Variants in SLC5A10 observed in about 807,000 individuals in gnomAD.
SLC5A10 encodes sodium/mannose cotransporter SLC5A10.
A neutral mutation model predicts 68.9 loss-of-function variants in SLC5A10; 55 were observed. That is an observed-to-expected ratio of 0.80 (90% CI 0.64 to 1.00). The LOEUF (loss-of-function observed/expected upper bound fraction) is 1.00, where lower values mean the gene tolerates loss of function less well. SLC5A10 is among the 50% of genes least tolerant of loss of function. The pLI, the probability that SLC5A10 is intolerant of heterozygous loss-of-function variation, is 0.00. For missense variants in SLC5A10, 732 were observed against 819.3 expected (o/e 0.89, Z 1.30); for synonymous variants, 344 against 344.8 (o/e 1.00, Z 0.02).
In SLC5A10 at chr17:18,973,884, GTTTTTTTTTT is replaced by G. The variant is rs35778801; in HGVS notation, c.846+2679_846+2688del. Among the ~76,000 whole-genome samples, 23 of 95,740 alleles carry G rather than the reference GTTTTTTTTTT, an allele frequency of 2.4e-4. 1 individual carries two copies. Among genetic ancestry groups the G allele is most frequent in the Non-Finnish European group, 6.0e-5 (3 of 50,134 alleles). The allele number at this position is 95,740 out of a possible 152,430, so 62.8% of individuals were successfully genotyped here. A position where few individuals can be genotyped will look rare whatever the true frequency, so the allele number is the denominator to read the frequency against. ...GGCTAATTTTTGTATTTTTTTTTAA[GTTTTTTTTTT>G]TTTTTTTTTTTTCCCAGAGACATAG... On this transcript the variant is annotated intron_variant, in intron 8 of 14. Coordinates refer to ENST00000395645, the MANE Select transcript of SLC5A10 (RefSeq NM_001042450.4).
At chr17:18,981,294 G>A (rs1051705159) in intron 9 of SLC5A10, among the ~76,000 whole-genome samples, 3 of 152,268 alleles carry the variant, frequency 2.0e-5, no homozygotes, top group Non-Finnish European at 4.4e-5. Flanking sequence ...AGGCATGAGA[G>A]GCCTTTGTAC....
intron 14 of SLC5A10, 31 bp downstream of exon 14, chr17:19,020,243 C>T (rs1344620518): frequency 6.2e-7 from 1 of 1,613,740 alleles, no homozygotes; most frequent in African/African-American, 1.3e-5. Flanking sequence ...ACTCCTCCAC[C>T]TTGACCCTGG....
intron 1 of SLC5A10, among the ~76,000 whole-genome samples, chr17:18,954,359 G>A (rs950074891): frequency 6.6e-6 from 1 of 152,210 alleles, no homozygotes; most frequent in African/African-American, 2.4e-5. Flanking sequence ...CCAGTGACTT[G>A]GGCCACCAGC....
chr17:18,976,487 A>T (rs1056092321), intron 8 of SLC5A10: 5 of 196,996 alleles, frequency 2.5e-5, no homozygotes, highest in Non-Finnish European at 5.1e-5. Context: ...AGCTGCTGTC[A>T]TGAGGGTCCA....
At chr17:18,977,588 G>C (rs532245695) in intron 9 of SLC5A10, 2 of 1,607,694 alleles carry the variant, frequency 1.2e-6, no homozygotes, top group Non-Finnish European at 1.7e-6. Flanking sequence ...ACCCACCTGT[G>C]CCTCCTTGTC....
rs777380590 is a variant in SLC5A10 at position 19,015,094 on chromosome 17, C to G, written c.1136C>G (p.Ser379Trp). 1.9e-6 allele frequency: 3 copies of G among 1,613,678 alleles called. No individual in the cohort carries two copies. Among genetic ancestry groups the G allele is most frequent in the Non-Finnish European group, 2.5e-6 (3 of 1,179,750 alleles). The change falls in exon 11 of 15, where the codon TCG (serine) becomes TGG (tryptophan). Residue 379 changes from serine to tryptophan, a missense_variant. Ser to Trp is a radical substitution (Grantham distance 177). Coordinates refer to ENST00000395645, the MANE Select transcript of SLC5A10 (RefSeq NM_001042450.4). ...GCAGTGATGCTGGCGGCGCTCATGT[C>G]GTCGCTGACCTCCATCTTCAACAGC... ...MIAVMLAALM[S>W]SLTSIFNSSS... is the part of the protein sequence containing the mutation.
At chr17:18,956,194 CAAAA>C (rs869093903) in intron 1 of SLC5A10, among the ~76,000 whole-genome samples, 1 of 119,820 alleles carries the variant, frequency 8.3e-6, no homozygotes, top group Non-Finnish European at 1.8e-5. Flanking sequence ...AACTCTGTCT[CAAAA>C]ATAAATAAAT....
chr17:18,955,042 C>T (rs1030270376), intron 1 of SLC5A10, among the ~76,000 whole-genome samples: 8 of 144,032 alleles, frequency 5.6e-5, no homozygotes, highest in Admixed American at 2.2e-4. Flanking sequence ...GCTGAGATCA[C>T]GCCACTGCAC....
chr17:19,017,477 G>A lies in SLC5A10; in HGVS notation c.1242-1946G>A. On this transcript the variant is annotated intron_variant, in intron 11 of 14. Transcript: ENST00000395645. The surrounding 1 kb of genome is among the most constrained non-coding windows in gnomAD (Gnocchi z 5.6). ...AAGACCAACAGCCCAGAGGCCTGGA[G>A]AGGAGGCCATCGCAGGGCCGGGTGC... 7.5e-7 allele frequency: 1 copy of A among 1,327,500 alleles called. No individual in the cohort carries two copies. 82.2% of individuals were successfully genotyped at this position (1,327,500 alleles called of 1,614,324 possible). A position where few individuals can be genotyped will look rare whatever the true frequency, so the allele number is the denominator to read the frequency against.
chr17:18,987,882 C>T (rs780488987), intron 9 of SLC5A10, among the ~76,000 whole-genome samples: 3 of 152,308 alleles, frequency 2.0e-5, no homozygotes, highest in South Asian at 2.1e-4. Flanking sequence ...AGAAAGGCCA[C>T]GAGCTACCTG....
Position 19,021,987 on chromosome 17 carries a change from C to T in SLC5A10, c.*1556C>T, listed in dbSNP as rs1366733459. ...CAGGTGCACGGGCTGCACGTAACTCCGTGGGAAGAAGCCAACGCGCCCGCA... is the reference window on the plus strand; with the variant it reads ...CAGGTGCACGGGCTGCACGTAACTCTGTGGGAAGAAGCCAACGCGCCCGCA... On this transcript the variant is annotated 3_prime_UTR_variant, in exon 15 of 15. Coordinates refer to ENST00000395645, the MANE Select transcript of SLC5A10 (RefSeq NM_001042450.4). The surrounding 1 kb of genome is among the most constrained non-coding windows in gnomAD (Gnocchi z 4.1). 8 of 1,581,714 alleles carry T rather than the reference C, an allele frequency of 5.1e-6. 1 individual carries two copies. In the Admixed American group the frequency reaches 5.4e-5, roughly 11 times the overall value.
chr17:18,982,946 T>C (rs1045220244), intron 9 of SLC5A10, among the ~76,000 whole-genome samples: 3 of 152,250 alleles, frequency 2.0e-5, no homozygotes, highest in East Asian at 3.8e-4. Context: ...GAGGACTGAA[T>C]AGAGCCACAG....
At chr17:18,989,477 C>G (rs549597495) in intron 9 of SLC5A10, among the ~76,000 whole-genome samples, 1 of 152,260 alleles carries the variant, frequency 6.6e-6, no homozygotes, top group Admixed American at 6.5e-5. Context: ...CACCAAAGCC[C>G]AAACTCCAGC....
rs552273473 is a variant in SLC5A10 at position 18,990,050 on chromosome 17, C to T, written c.982+13061C>T. Among the ~76,000 whole-genome samples the T allele has an allele frequency of 3.3e-5, 5 of 152,320 alleles. No individual in the cohort carries two copies. In the South Asian group the frequency reaches 1.0e-3, roughly 32 times the overall value. ...CTGGGGAGATGACTGCTCCCTATCT[C>T]TCTGTTTCTGAAGGGCTGTTTTGGG... On this transcript the variant is annotated intron_variant, in intron 9 of 14. Transcript: ENST00000395645.
Position 18,976,883 on chromosome 17 carries a change from G to A in SLC5A10, c.876G>A (p.Arg292=). ...QVIVQRSLSA[R]DLNHAKAGSI... is the part of the protein sequence containing the mutation. ...TCGTGCAGCGATCACTGTCAGCCCG[G>A]GACCTGAACCATGCCAAGGCGGGCT... is the stretch of plus-strand genomic sequence containing the variant. The change falls in exon 9 of 15, where the codon CGG becomes CGA. Residue 292 remains arginine (R), a synonymous_variant. Transcript: ENST00000395645. The A allele has an allele frequency of 6.2e-7, 1 of 1,613,584 alleles. No individual in the cohort carries two copies. The highest frequency in any genetic ancestry group is 8.5e-7 in the Non-Finnish European group (1 of 1,180,010).
At chr17:19,002,076 G>A (rs1309902948) in intron 9 of SLC5A10, among the ~76,000 whole-genome samples, 2 of 152,152 alleles carry the variant, frequency 1.3e-5, no homozygotes, top group Non-Finnish European at 2.9e-5. Context: ...GGTGTGGGGC[G>A]GGTCTCTCAG....
At position 18,969,358 on chromosome 17, in the gene SLC5A10, A is replaced by C. The variant is rs200878720; in HGVS notation, c.576A>C (p.Val192=). The change falls in exon 7 of 15, where the codon GTA becomes GTC. Residue 192 remains valine, a synonymous_variant. Transcript: ENST00000395645. ...CACTGGCAGGGGGCCTGGCTGCTGTAATCTACACGGACGCCCTGCAGACGC... is the reference window on the plus strand; with the variant it reads ...CACTGGCAGGGGGCCTGGCTGCTGTCATCTACACGGACGCCCTGCAGACGC... The part of the protein sequence containing the change: ...LYTIAGGLAA[V]IYTDALQTLI... The C allele has an allele frequency of 6.2e-6, 10 of 1,613,110 alleles. No homozygotes were observed. Among genetic ancestry groups the C allele is most frequent in the East Asian group, 2.2e-5 (1 of 44,826 alleles).
At chr17:18,983,876 A>G (rs1394418231) in intron 9 of SLC5A10, among the ~76,000 whole-genome samples, 1 of 152,170 alleles carries the variant, frequency 6.6e-6, no homozygotes, top group African/African-American at 2.4e-5. Flanking sequence ...CCCCTAGGCC[A>G]AGGCTGCTCA....
chr17:18,974,225 C>T (rs2152004951), intron 8 of SLC5A10, among the ~76,000 whole-genome samples: 1 of 152,230 alleles, frequency 6.6e-6, no homozygotes, highest in South Asian at 2.1e-4. Context: ...GGGGTTTCAC[C>T]ATGTTGGCCA....
Sources: gnomAD v4.1 joint callset for allele counts (sites outside exome capture counted in the v4.1 genomes callset) on GRCh38, gnomAD v4.1.1 for gene constraint, Gnocchi (gnomAD v3.1) non-coding constraint, MANE v1.5 for transcripts, NCBI Gene and HGNC (gene_info 2026-07-23, HGNC 2026-07-21) for gene names.